Variants in ENTREP2 observed in about 807,000 individuals in gnomAD.
ENTREP2 encodes endosomal transmembrane epsin interactor 2.
At chr15:29,451,411 G>A in the ENTREP2 span, among the ~76,000 whole-genome samples, 1 of 152,160 alleles carries the variant, frequency 6.6e-6, no homozygotes, top group Non-Finnish European at 1.5e-5. Context: ...AGCATCTGCA[G>A]ACACAGCACA....
the ENTREP2 span, among the ~76,000 whole-genome samples, chr15:29,138,616 T>C: frequency 1.5e-5 from 2 of 136,266 alleles, no homozygotes; most frequent in South Asian, 4.7e-4. Flanking sequence ...TGTGTTTGTA[T>C]GTATGTGTAT....
At chr15:29,215,316 C>T in the ENTREP2 span, among the ~76,000 whole-genome samples, 1 of 151,954 alleles carries the variant, frequency 6.6e-6, no homozygotes, top group East Asian at 1.9e-4. Flanking sequence ...GCAGACCCAC[C>T]CTCAACCTGG....
the ENTREP2 span, among the ~76,000 whole-genome samples, chr15:29,362,397 CAG>C: frequency 1.0e-5 from 1 of 98,694 alleles, no homozygotes; most frequent in Non-Finnish European, 1.8e-5. Flanking sequence ...TTTTTTGAGA[CAG>C]AGTCTTGCTC....
chr15:29,276,843 GT>G, the ENTREP2 span, among the ~76,000 whole-genome samples: 6 of 152,222 alleles, frequency 3.9e-5, no homozygotes, highest in Non-Finnish European at 8.8e-5. Context: ...GGAAAAAAGG[GT>G]AGTAAGAAAT....
At chr15:29,372,268 C>T in the ENTREP2 span, among the ~76,000 whole-genome samples, 1 of 152,128 alleles carries the variant, frequency 6.6e-6, no homozygotes, top group Non-Finnish European at 1.5e-5. Context: ...GGACGAAGGC[C>T]TTTATGATGG....
At chr15:29,318,514 G>C in the ENTREP2 span, among the ~76,000 whole-genome samples, 1 of 152,020 alleles carries the variant, frequency 6.6e-6, no homozygotes, top group South Asian at 2.1e-4. Flanking sequence ...TAGAGACGGG[G>C]TTTCACCGTG....
At chr15:29,327,893 TTCTTACAAAACGAGACATAG>T in the ENTREP2 span, among the ~76,000 whole-genome samples, 1 of 152,226 alleles carries the variant, frequency 6.6e-6, no homozygotes, top group Non-Finnish European at 1.5e-5. Flanking sequence ...GTTTAAAAGT[TTCTTACAAAACGAGACATAG>T]TCTTATTGTA....
At chr15:29,266,637 A>C in the ENTREP2 span, 1 of 152,222 alleles carries the variant, frequency 6.6e-6, no homozygotes, top group African/African-American at 2.4e-5. Flanking sequence ...AGCAAGTTGC[A>C]TAAGGACACA....
the ENTREP2 span, among the ~76,000 whole-genome samples, chr15:29,226,700 T>C: frequency 8.9e-4 from 136 of 152,322 alleles, 1 homozygote; most frequent in African/African-American, 3.2e-3. Context: ...TAATTGGTGT[T>C]GGCTTGGAGA....
At chr15:29,345,227 G>A in the ENTREP2 span, among the ~76,000 whole-genome samples, 1 of 152,188 alleles carries the variant, frequency 6.6e-6, no homozygotes, top group Non-Finnish European at 1.5e-5. Flanking sequence ...GTTCTTGAAA[G>A]CTGTCTCTAG....
At chr15:29,129,581 T>C in the ENTREP2 span, among the ~76,000 whole-genome samples, 1 of 152,086 alleles carries the variant, frequency 6.6e-6, no homozygotes, top group East Asian at 1.9e-4. Flanking sequence ...CTCCTGGGGT[T>C]AAGCGATCCT....
the ENTREP2 span, among the ~76,000 whole-genome samples, chr15:29,139,047 C>T: frequency 2.0e-5 from 3 of 151,960 alleles, no homozygotes; most frequent in Non-Finnish European, 2.9e-5. Flanking sequence ...ACTGGAGCTG[C>T]GTGGTAGGAG....
the ENTREP2 span, among the ~76,000 whole-genome samples, chr15:29,623,880 C>T: frequency 5.9e-4 from 90 of 152,100 alleles, no homozygotes; most frequent in Non-Finnish European, 9.4e-4. Flanking sequence ...GGATTACAGG[C>T]GCCCACCACT....
chr15:29,195,820 C>T, the ENTREP2 span, among the ~76,000 whole-genome samples: 2 of 152,104 alleles, frequency 1.3e-5, no homozygotes, highest in South Asian at 2.1e-4. Context: ...CCACTGCGCC[C>T]GGCTTGTGCC....
At chr15:29,653,561 T>C in the ENTREP2 span, among the ~76,000 whole-genome samples, 1 of 152,184 alleles carries the variant, frequency 6.6e-6, no homozygotes, top group Non-Finnish European at 1.5e-5. Context: ...TCCGATGGTT[T>C]GATAAGTGTT....
the ENTREP2 span, among the ~76,000 whole-genome samples, chr15:29,170,936 AGGCTGGGAAGTCCTAGAGCATGG>A: frequency 6.6e-6 from 1 of 152,232 alleles, no homozygotes; most frequent in African/African-American, 2.4e-5. Flanking sequence ...ACAGTTCTGG[AGGCTGGGAAGTCCTAGAGCATGG>A]GGCCAGCATC....
At chr15:29,144,385 C>T in the ENTREP2 span, among the ~76,000 whole-genome samples, 8 of 152,180 alleles carry the variant, frequency 5.3e-5, no homozygotes, top group Non-Finnish European at 8.8e-5. Flanking sequence ...TACAACTACC[C>T]GCAAGGAAAA....
At chr15:29,664,858 A>G in the ENTREP2 span, among the ~76,000 whole-genome samples, 1 of 152,154 alleles carries the variant, frequency 6.6e-6, no homozygotes, top group Non-Finnish European at 1.5e-5. Context: ...CCAGAGAGAA[A>G]TCTCAAAGTC....
chr15:29,594,705 G>A, the ENTREP2 span, among the ~76,000 whole-genome samples: 2 of 152,080 alleles, frequency 1.3e-5, no homozygotes, highest in African/African-American at 4.8e-5. Context: ...GCTCACGCCT[G>A]TAATCCCAGC....
Sources: allele counts gnomAD v4.1 joint callset (sites outside exome capture counted in the v4.1 genomes callset), GRCh38; gene constraint gnomAD v4.1.1; transcripts MANE v1.5; gene names NCBI Gene and HGNC (gene_info 2026-07-23, HGNC 2026-07-21).